TTF1: variants seen among roughly 807,000 people sequenced by gnomAD.
The protein encoded by TTF1 is transcription termination factor, RNA polymerase I.
A neutral mutation model predicts 80.2 loss-of-function variants in TTF1; 64 were observed. The ratio of observed to expected loss-of-function variants is 0.80; its 90% CI spans 0.65 to 0.98. TTF1 has a LOEUF of 0.98. Ranked by LOEUF, TTF1 falls within the 50% of genes least tolerant of loss-of-function variation. The probability of loss-of-function intolerance (pLI) is 0.00; values close to 1 mark genes in which losing one functional copy is unlikely to be tolerated. For synonymous variants in TTF1, 372 were observed against 382.7 expected (o/e 0.97, Z 0.33); for missense variants, 1,023 against 1,086.2 (o/e 0.94, Z 0.82).
rs147089074 is a variant in TTF1, at chr9:132,375,990, G to C, written c.2643C>G (p.Ser881Arg). The C allele has an allele frequency of 1.2e-6, 2 of 1,613,736 alleles. No homozygotes were observed. Among genetic ancestry groups the C allele is most frequent in the Non-Finnish European group, 1.7e-6 (2 of 1,179,970 alleles). ...DSEGEDIEKE[S>R]EGQAPCMAHA... ...GAGCCATGCATGGCGCCTGGCCTTC[G>C]CTTTCTTTTTCTATGTCCTCTCCTT... The change falls in exon 11 of 11, where the codon AGC becomes AGG. Residue 881 changes from serine to arginine, a missense_variant. Ser to Arg is a moderately radical substitution (Grantham distance 110, BLOSUM62 -1). Transcript: ENST00000334270.
intron 7 of TTF1, among the ~76,000 whole-genome samples, 172 bp from the exon 8 acceptor site, chr9:132,388,400 G>A (rs1218257183): frequency 6.6e-6 from 1 of 151,416 alleles, no homozygotes; most frequent in Non-Finnish European, 1.5e-5. Flanking sequence ...GCAGTGTCAC[G>A]GTCTCAGCTC....
At position 132,401,962 on chromosome 9, in the gene TTF1, T is replaced by C. The variant is rs1402300119; in HGVS notation, c.860A>G (p.Glu287Gly). ...KKKKKKSNHQ[E>G]FEALAMPEGS... Reference sequence around the variant, plus strand: ...TTCAGGCATGGCCAATGCCTCAAATTCCTGGTGATTGGACTTTTTCTTCTT... The same window carrying C: ...TTCAGGCATGGCCAATGCCTCAAATCCCTGGTGATTGGACTTTTTCTTCTT... The change falls in exon 2 of 11, where the codon GAA (glutamate) becomes GGA (glycine). Residue 287 changes from glutamate to glycine, a missense_variant. Transcript: ENST00000334270. The C allele has an allele frequency of 6.2e-7, 1 of 1,613,932 alleles. No homozygotes were observed. Among genetic ancestry groups the C allele is most frequent in the Non-Finnish European group, 8.5e-7 (1 of 1,180,014 alleles).
intron 10 of TTF1, among the ~76,000 whole-genome samples, chr9:132,377,630 TGTG>T (rs1466528534): frequency 2.5e-5 from 3 of 121,040 alleles, no homozygotes; most frequent in African/African-American, 9.6e-5. Context: ...TGTGAGTGCA[TGTG>T]GTGCGTGTGA....
At position 132,402,135 on chromosome 9, in the gene TTF1, C is replaced by T. The variant is rs775989369; in HGVS notation, c.687G>A (p.Arg229=). 9 of 1,613,960 alleles carry T rather than the reference C, an allele frequency of 5.6e-6. No individual in the cohort carries two copies. The East Asian group carries it at 2.0e-4, about 36-fold the overall frequency. The change falls in exon 2 of 11, where the codon CGG becomes CGA. Residue 229 remains arginine (R), a synonymous_variant. Coordinates refer to ENST00000334270, the MANE Select transcript of TTF1 (RefSeq NM_007344.4). Reference sequence around the variant, plus strand: ...CAGGCATGGCCAGTGTCTCATATTCCCGGTTACTGGACTTTTTCTTTTTTT... The same window carrying T: ...CAGGCATGGCCAGTGTCTCATATTCTCGGTTACTGGACTTTTTCTTTTTTT... ...SKKKKKKSSN[R]EYETLAMPEG...
At chr9:132,390,457 T>C (rs1849539507) in intron 7 of TTF1, 140 bp downstream of exon 7, 3 of 715,428 alleles carry the variant, frequency 4.2e-6, no homozygotes, top group African/African-American at 1.8e-5. Flanking sequence ...GAGAGTGATA[T>C]GGAAGCAGCT....
At position 132,402,240 on chromosome 9, in the gene TTF1, C is replaced by G; in HGVS notation, c.582G>C (p.Gln194His). 6.2e-7 allele frequency: 1 copy of G among 1,614,148 alleles called. No homozygotes were observed. The highest frequency in any genetic ancestry group is 8.5e-7 in the Non-Finnish European group (1 of 1,180,030). ...RDTLPQSESHQEESWLSVGPG... is the reference protein window; with the variant it reads ...RDTLPQSESHHEESWLSVGPG... Reference sequence around the variant, plus strand: ...GACCCACAGAAAGCCAGGACTCCTCCTGGTGGGATTCTGACTGAGGCAGGG... The same window carrying G: ...GACCCACAGAAAGCCAGGACTCCTCGTGGTGGGATTCTGACTGAGGCAGGG... Residue 194 changes from glutamine (Q) to histidine (H), a missense_variant, in exon 2 of 11, where the codon CAG (glutamine) becomes CAC (histidine). Transcript: ENST00000334270.
chr9:132,383,573 G>C (rs1849409190), intron 9 of TTF1, among the ~76,000 whole-genome samples: 1 of 152,056 alleles, frequency 6.6e-6, no homozygotes, highest in Admixed American at 6.6e-5. Context: ...GGGGATGCGG[G>C]GTTCTTTCTG....
At chr9:132,397,132 G>A (rs1454717378) in intron 4 of TTF1, among the ~76,000 whole-genome samples, 4 of 152,176 alleles carry the variant, frequency 2.6e-5, no homozygotes, top group African/African-American at 9.7e-5. Context: ...TCAGCTTCCG[G>A]TCTATGCAAT....
In TTF1 at chr9:132,401,497, G is replaced by C. The variant is rs1399490933; in HGVS notation, c.1325C>G (p.Thr442Ser). 2.5e-6 allele frequency: 4 copies of C among 1,613,870 alleles called. No homozygotes were observed. Among genetic ancestry groups the C allele is most frequent in the Non-Finnish European group, 3.4e-6 (4 of 1,179,962 alleles). ...GTGCTTGCTTGCCAAACAGGCCTGGGTTTTCTTTTGTCGGGGCCTAGATTT... is the reference window on the plus strand; with the variant it reads ...GTGCTTGCTTGCCAAACAGGCCTGGCTTTTCTTTTGTCGGGGCCTAGATTT... ...GVKSRPRQKK[T>S]QACLASKHVQ... The change falls in exon 2 of 11, where the codon ACC becomes AGC. Residue 442 changes from threonine to serine, a missense_variant. Thr to Ser is a moderately conservative substitution (Grantham distance 58). Transcript: ENST00000334270.
intron 7 of TTF1, among the ~76,000 whole-genome samples, chr9:132,389,406 C>T (rs1402663923): frequency 1.3e-5 from 2 of 152,056 alleles, no homozygotes; most frequent in East Asian, 3.9e-4. Flanking sequence ...TGGTCTTGAA[C>T]TCCTGACCTT....
chr9:132,376,487 C>T (rs1194377293), intron 10 of TTF1, among the ~76,000 whole-genome samples: 2 of 152,158 alleles, frequency 1.3e-5, no homozygotes, highest in South Asian at 2.1e-4. Context: ...CATTTCATCA[C>T]AGCCCAGGGT....
rs1849197731 is a variant in TTF1, at chr9:132,377,201, TGA to T, written c.2465-1035_2465-1034del. On this transcript the variant is annotated intron_variant, in intron 10 of 10. Coordinates refer to ENST00000334270, the MANE Select transcript of TTF1 (RefSeq NM_007344.4). ...GGTGTGTGAGTGCATGCATGTGGTG[TGA>T]GTGCATGCATGTGGTGTGAGTGCAT... 6.7e-5 allele frequency among the ~76,000 whole-genome samples: 10 copies of T among 148,886 alleles called. No individual in the cohort carries two copies. In the South Asian group the frequency reaches 2.2e-3, roughly 32 times the overall value.
At chr9:132,388,096 G>C (rs771013831) in intron 8 of TTF1, 43 bp downstream of exon 8, 2 of 1,484,998 alleles carry the variant, frequency 1.3e-6, no homozygotes, top group East Asian at 2.3e-5. Context: ...TCTTTGGCTA[G>C]AGACAGAAAC....
intron 8 of TTF1, among the ~76,000 whole-genome samples, 169 bp from the exon 9 acceptor site, chr9:132,386,790 G>C (rs1849475864): frequency 6.6e-6 from 1 of 152,182 alleles, no homozygotes; most frequent in Admixed American, 6.5e-5. Context: ...GGTTAATCCA[G>C]GTCAGTCAGT....
intron 5 of TTF1, 72 bp from the exon 6 acceptor site, chr9:132,392,278 A>G (rs1194645895): frequency 1.9e-6 from 3 of 1,570,850 alleles, no homozygotes; most frequent in Non-Finnish European, 2.6e-6. Flanking sequence ...TCATCCCAGT[A>G]CGCAGCAATC....
In TTF1 at chr9:132,376,052, G is replaced by T. The variant is rs1167504283; in HGVS notation, c.2581C>A (p.Pro861Thr). The change falls in exon 11 of 11, where the codon CCA (proline) becomes ACA (threonine). Residue 861 changes from proline (P) to threonine (T), a missense_variant. Pro to Thr is a conservative substitution (Grantham distance 38). Transcript: ENST00000334270. ...QTPAAPKQVF[P>T]FRDIFYYEDD... ...TCATAATAAAAGATGTCTCGAAATG[G>T]GAAAACTTGCTTGGGTGCTGCAGGA... is the stretch of plus-strand genomic sequence containing the variant. 1.2e-6 allele frequency: 2 copies of T among 1,614,186 alleles called. No individual in the cohort carries two copies. The highest frequency in any genetic ancestry group is 3.3e-5 in the Admixed American group (2 of 60,012).
At chr9:132,387,453 C>G (rs2075302159) in intron 8 of TTF1, among the ~76,000 whole-genome samples, 3 of 152,120 alleles carry the variant, frequency 2.0e-5, no homozygotes, top group Admixed American at 2.0e-4. Flanking sequence ...GCAGGGAAGA[C>G]TGGGCGGGGG....
chr9:132,392,806 T>G (rs1032314410), intron 5 of TTF1, among the ~76,000 whole-genome samples: 1 of 152,212 alleles, frequency 6.6e-6, no homozygotes, highest in South Asian at 2.1e-4. Flanking sequence ...AAGAATATAT[T>G]TCTTACATGG....
At chr9:132,383,250 CAAAA>C (rs35384741) in intron 9 of TTF1, among the ~76,000 whole-genome samples, 32 of 125,332 alleles carry the variant, frequency 2.6e-4, no homozygotes, top group Admixed American at 2.4e-4. Context: ...CTCTTGTCTT[CAAAA>C]AAAAAAAAAA....
Sources: allele counts gnomAD v4.1 joint callset (sites outside exome capture counted in the v4.1 genomes callset), GRCh38; gene constraint gnomAD v4.1.1; transcripts MANE v1.5; gene names NCBI Gene and HGNC (gene_info 2026-07-23, HGNC 2026-07-21).